TMEM132D: variants seen among roughly 807,000 people sequenced by gnomAD.
TMEM132D encodes mature OL transmembrane protein.
A neutral mutation model predicts 62.3 loss-of-function variants in TMEM132D; 21 were observed. That is an observed-to-expected ratio of 0.34 (90% CI 0.24 to 0.49). The LOEUF is 0.49. TMEM132D is among the 20% of genes least tolerant of loss of function. The pLI is 0.99. For missense variants in TMEM132D, 1,346 were observed against 1,402.8 expected (o/e 0.96, Z 0.65); for synonymous variants, 621 against 575.6 (o/e 1.08, Z -1.13).
intron 3 of TMEM132D, among the ~76,000 whole-genome samples, chr12:129,515,156 T>C (rs1018424516): frequency 6.6e-6 from 1 of 152,160 alleles, no homozygotes; most frequent in African/African-American, 2.4e-5. Context: ...TACTTATTTC[T>C]TAATCTAGAT....
intron 2 of TMEM132D, among the ~76,000 whole-genome samples, chr12:129,698,530 AGAG>A (rs1881262642): frequency 1.6e-5 from 1 of 63,584 alleles, no homozygotes; most frequent in Non-Finnish European, 3.1e-5. Flanking sequence ...AGGGGAGGGG[AGAG>A]GGGAAGGGAG....
At chr12:129,673,098 T>G (rs1880538569) in intron 2 of TMEM132D, among the ~76,000 whole-genome samples, 1 of 151,678 alleles carries the variant, frequency 6.6e-6, no homozygotes, top group African/African-American at 2.4e-5. Context: ...ACTACCACAG[T>G]CAGGATAGAA....
intron 4 of TMEM132D, among the ~76,000 whole-genome samples, chr12:129,228,297 C>T (rs1291552644): frequency 6.6e-6 from 1 of 152,152 alleles, no homozygotes; most frequent in African/African-American, 2.4e-5. Context: ...GCTCCTTGCT[C>T]AAGACCTAGA....
intron 1 of TMEM132D, among the ~76,000 whole-genome samples, chr12:129,859,278 C>A (rs777685531): frequency 3.3e-5 from 5 of 152,180 alleles, no homozygotes; most frequent in African/African-American, 4.8e-5. Context: ...ATAAGCCACC[C>A]ATCTATGGAA....
intron 2 of TMEM132D, among the ~76,000 whole-genome samples, chr12:129,630,236 G>A (rs1189592135): frequency 1.3e-5 from 2 of 152,168 alleles, no homozygotes; most frequent in African/African-American, 2.4e-5. Context: ...TGTCACGTGT[G>A]TGTTTGAGAA....
At chr12:129,199,107 T>C (rs1018252671) in intron 5 of TMEM132D, among the ~76,000 whole-genome samples, 2 of 68,580 alleles carry the variant, frequency 2.9e-5, no homozygotes, top group Non-Finnish European at 6.4e-5. Flanking sequence ...TCTACCTTTT[T>C]TTTTTTTTTT....
chr12:129,471,215 T>TTC (rs1440912795), intron 3 of TMEM132D, among the ~76,000 whole-genome samples: 1 of 151,670 alleles, frequency 6.6e-6, no homozygotes, highest in African/African-American at 2.4e-5. Context: ...ATTACTTTTT[T>TTC]TTTTTTTTTA....
At chr12:129,166,726 CACAT>C (rs1252962254) in intron 5 of TMEM132D, among the ~76,000 whole-genome samples, 8 of 148,758 alleles carry the variant, frequency 5.4e-5, no homozygotes, top group Non-Finnish European at 7.5e-5. Context: ...TACACACACA[CACAT>C]ATATATATAT....
At chr12:129,186,485 C>A (rs941834910) in intron 5 of TMEM132D, among the ~76,000 whole-genome samples, 1 of 152,228 alleles carries the variant, frequency 6.6e-6, no homozygotes, top group Non-Finnish European at 1.5e-5. Context: ...ACCCTCTATA[C>A]CATTCTCCAG....
chr12:129,344,049 A>T (rs1023118304), intron 3 of TMEM132D, among the ~76,000 whole-genome samples: 15 of 152,216 alleles, frequency 9.9e-5, no homozygotes, highest in Non-Finnish European at 1.9e-4. Context: ...ATATACAAGC[A>T]TTGTTCCTAG....
chr12:129,084,553 G>C lies in TMEM132D; in HGVS notation c.1593C>G (p.Ser531=), dbSNP rs376143160. The part of the protein sequence containing the change: ...VPRLPLQIEV[S]DTELNQIKGW... ...CCTTGATCTGATTGAGCTCGGTGTC[G>C]GAGACCTCGATCTGCAGCGGAAGCC... is the stretch of plus-strand genomic sequence containing the variant. The change falls in exon 6 of 9, where the codon TCC becomes TCG. Residue 531 remains serine (S), a synonymous_variant. Transcript: ENST00000422113. 3 of 1,613,448 alleles carry C rather than the reference G, an allele frequency of 1.9e-6. No homozygotes were observed. In the African/African-American group the frequency reaches 4.0e-5, roughly 22 times the overall value.
intron 3 of TMEM132D, among the ~76,000 whole-genome samples, chr12:129,358,155 G>A (rs1384073897): frequency 6.6e-6 from 1 of 152,136 alleles, no homozygotes; most frequent in Non-Finnish European, 1.5e-5. Flanking sequence ...GGTAACCAGA[G>A]TCATTCTGGA....
intron 4 of TMEM132D, among the ~76,000 whole-genome samples, chr12:129,239,955 G>A (rs542082584): frequency 4.6e-5 from 7 of 152,286 alleles, no homozygotes; most frequent in African/African-American, 1.7e-4. Flanking sequence ...GTTCACTCTC[G>A]ATGTCTGAGC....
intron 3 of TMEM132D, among the ~76,000 whole-genome samples, chr12:129,520,239 A>C (rs1398609776): frequency 6.6e-6 from 1 of 152,162 alleles, no homozygotes; most frequent in Non-Finnish European, 1.5e-5. Context: ...TACACAGTGA[A>C]ATGCTTAATA....
chr12:129,360,644 G>T (rs1434485118), intron 3 of TMEM132D, among the ~76,000 whole-genome samples: 1 of 151,480 alleles, frequency 6.6e-6, no homozygotes, highest in African/African-American at 2.4e-5. Context: ...CCCACCTGGG[G>T]ACTCTGGCCG....
intron 3 of TMEM132D, among the ~76,000 whole-genome samples, chr12:129,519,209 C>T (rs995425484): frequency 2.0e-5 from 3 of 152,124 alleles, no homozygotes; most frequent in African/African-American, 7.2e-5. Flanking sequence ...CTTTATTTTT[C>T]CTACCCTGGA....
intron 3 of TMEM132D, among the ~76,000 whole-genome samples, chr12:129,393,750 C>A (rs2135695908): frequency 6.6e-6 from 1 of 152,272 alleles, no homozygotes; most frequent in South Asian, 2.1e-4. Flanking sequence ...CAACCCACGC[C>A]AAACTGAGGT....
chr12:129,489,710 CTCTT>C (rs1874703794), intron 3 of TMEM132D, among the ~76,000 whole-genome samples: 1 of 152,188 alleles, frequency 6.6e-6, no homozygotes, highest in Admixed American at 6.5e-5. Flanking sequence ...TATACAAATA[CTCTT>C]TCTAAATAGT....
intron 3 of TMEM132D, among the ~76,000 whole-genome samples, chr12:129,502,189 C>T (rs61945368): frequency 0.08 from 12,171 of 151,854 alleles, 569 homozygotes; most frequent in South Asian, 0.17. Context: ...TTAGTAGAGA[C>T]GGGGTTTCAC....
Sources: gnomAD v4.1 joint callset for allele counts (sites outside exome capture counted in the v4.1 genomes callset) on GRCh38, gnomAD v4.1.1 for gene constraint, MANE v1.5 for transcripts, NCBI Gene and HGNC (gene_info 2026-07-23, HGNC 2026-07-21) for gene names.